Variants in LRMDA observed in about 807,000 individuals in gnomAD.
LRMDA encodes leucine-rich melanocyte differentiation-associated protein.
LRMDA carries 18 observed loss-of-function variants against 29.8 expected under a neutral mutation model. The observed-to-expected ratio is 0.60, with a 90% CI of 0.42 to 0.90. The LOEUF is 0.90. Among genes scored for constraint, LRMDA ranks in the 40% least tolerant of loss-of-function variants. The probability of loss-of-function intolerance (pLI) is 0.00; values close to 1 mark genes in which losing one functional copy is unlikely to be tolerated. For missense variants in LRMDA, 273 were observed against 273.9 expected (o/e 1.00, Z 0.02); for synonymous variants, 125 against 109.4 (o/e 1.14, Z -0.89).
intron 6 of LRMDA, chr10:76,438,725 A>G (rs1470301033): frequency 6.6e-6 from 1 of 152,248 alleles, no homozygotes; most frequent in Non-Finnish European, 1.5e-5. Flanking sequence ...ATAAAATGTA[A>G]TGGGAAGAAA....
intron 2 of LRMDA, among the ~76,000 whole-genome samples, chr10:75,799,370 A>C (rs1195485566): frequency 1.3e-5 from 2 of 152,130 alleles, no homozygotes. Flanking sequence ...TAGCCATACC[A>C]CTTTTTTATG....
chr10:76,254,832 A>AG (rs5786222), intron 5 of LRMDA, among the ~76,000 whole-genome samples: 108,591 of 151,912 alleles, frequency 0.71, 39,368 homozygotes, highest in East Asian at 0.91. Flanking sequence ...ATTTTATTTT[A>AG]GAAGTTACGA....
At chr10:76,392,226 A>G (rs1841730968) in intron 6 of LRMDA, among the ~76,000 whole-genome samples, 1 of 152,186 alleles carries the variant, frequency 6.6e-6, no homozygotes, top group South Asian at 2.1e-4. Context: ...ATCTTCATTC[A>G]CAGTGGAACA....
chr10:76,541,974 A>G (rs888815189), intron 6 of LRMDA, among the ~76,000 whole-genome samples: 3 of 152,142 alleles, frequency 2.0e-5, no homozygotes, highest in African/African-American at 7.2e-5. Flanking sequence ...CTCTTTTTAA[A>G]TGAGTCATAC....
rs578042029 is a variant in LRMDA, at chr10:75,820,682, T to C, written c.132-215326T>C. The stretch of plus-strand genomic sequence containing the variant: ...TAACAAAGATCAGAGCAGAACAAAA[T>C]GAAATTAAGACCAAAAAAGCCACTC... On this transcript the variant is annotated intron_variant, in intron 2 of 6. Transcript: ENST00000611255. Among the ~76,000 whole-genome samples the C allele has an allele frequency of 5.3e-5, 8 of 151,852 alleles. No individual in the cohort carries two copies. In the East Asian group the frequency reaches 1.4e-3, roughly 26 times the overall value.
At chr10:76,163,326 T>G (rs546007967) in intron 5 of LRMDA, among the ~76,000 whole-genome samples, 2 of 152,298 alleles carry the variant, frequency 1.3e-5, no homozygotes, top group South Asian at 2.1e-4. Context: ...TAGAGAAATC[T>G]GAGTGGGACC....
At chr10:75,897,762 G>A (rs559685276) in intron 2 of LRMDA, among the ~76,000 whole-genome samples, 34 of 149,784 alleles carry the variant, frequency 2.3e-4, no homozygotes, top group Non-Finnish European at 4.4e-5. Flanking sequence ...CCTCTTCTTG[G>A]CTTATAGGAT....
chr10:76,209,044 C>T (rs1013598091), intron 5 of LRMDA, among the ~76,000 whole-genome samples: 5 of 152,008 alleles, frequency 3.3e-5, no homozygotes, highest in African/African-American at 7.2e-5. Context: ...ATTCCAGCTA[C>T]GCAGCAGGCT....
chr10:76,408,248 C>A (rs1841922898), intron 6 of LRMDA, among the ~76,000 whole-genome samples: 1 of 152,124 alleles, frequency 6.6e-6, no homozygotes, highest in African/African-American at 2.4e-5. Flanking sequence ...GTGGTAATGT[C>A]TGTGGTCAAC....
chr10:75,572,899 A>T (rs908449240), intron 2 of LRMDA, among the ~76,000 whole-genome samples: 2 of 152,222 alleles, frequency 1.3e-5, no homozygotes, highest in Admixed American at 6.5e-5. Flanking sequence ...ATGCAAGCAT[A>T]GAGGAAAGAA....
In LRMDA at chr10:76,140,257, G is replaced by A. The variant is rs116813616; in HGVS notation, c.516+81474G>A. On this transcript the variant is annotated intron_variant, in intron 5 of 6. Coordinates refer to ENST00000611255, the MANE Select transcript of LRMDA (RefSeq NM_001305581.2). ...CTCAAGGGAATTTCCATTCATGAAG[G>A]TGGCTTCTGTCTGTACCAAGAAAAG... is the stretch of plus-strand genomic sequence containing the variant. 6.4e-3 allele frequency among the ~76,000 whole-genome samples: 969 copies of A among 152,038 alleles called. 12 individuals carry two copies. The highest frequency in any genetic ancestry group is 0.022 in the African/African-American group (904 of 41,536).
intron 6 of LRMDA, among the ~76,000 whole-genome samples, chr10:76,368,621 G>T (rs1841419432): frequency 6.6e-6 from 1 of 152,152 alleles, no homozygotes; most frequent in African/African-American, 2.4e-5. Flanking sequence ...GAGTCCATTT[G>T]TTCCAAGGTA....
At chr10:75,434,086 T>A (rs544146723) in intron 1 of LRMDA, among the ~76,000 whole-genome samples, 8 of 152,224 alleles carry the variant, frequency 5.3e-5, no homozygotes, top group Non-Finnish European at 1.2e-4. Context: ...GCATCATTTA[T>A]GTTCAGCATT....
chr10:75,742,666 C>T (rs1842844531), intron 2 of LRMDA: 1 of 152,240 alleles, frequency 6.6e-6, no homozygotes, highest in Admixed American at 6.5e-5. Flanking sequence ...GCCCTCTGCT[C>T]TTGGGGTACA....
chr10:75,533,578 A>G (rs1845503929), intron 2 of LRMDA, among the ~76,000 whole-genome samples: 1 of 152,260 alleles, frequency 6.6e-6, no homozygotes, highest in African/African-American at 2.4e-5. Context: ...ATAATAAATT[A>G]TGTCATTGCA....
At chr10:75,749,866 C>T (rs1219988122) in intron 2 of LRMDA, among the ~76,000 whole-genome samples, 1 of 152,188 alleles carries the variant, frequency 6.6e-6, no homozygotes, top group Non-Finnish European at 1.5e-5. Context: ...ATCTGTTTAA[C>T]AAAGCACATC....
intron 2 of LRMDA, among the ~76,000 whole-genome samples, chr10:75,977,642 C>T (rs1847097519): frequency 6.6e-6 from 1 of 152,178 alleles, no homozygotes; most frequent in South Asian, 2.1e-4. Context: ...TTTGCTAGGG[C>T]CCCCAGGGTG....
At chr10:76,049,286 G>A (rs1483199689) in intron 4 of LRMDA, among the ~76,000 whole-genome samples, 1 of 152,210 alleles carries the variant, frequency 6.6e-6, no homozygotes, top group Non-Finnish European at 1.5e-5. Context: ...GTTGCCATGA[G>A]AGGCTAGATT....
At chr10:76,298,145 ATCCACTTACAGGGTGCAGGC>A (rs1431857106) in intron 5 of LRMDA, among the ~76,000 whole-genome samples, 2 of 152,214 alleles carry the variant, frequency 1.3e-5, no homozygotes, top group Non-Finnish European at 2.9e-5. Flanking sequence ...TGATCATATG[ATCCACTTACAGGGTGCAGGC>A]TCAGTCAAGT....
Sources: gnomAD v4.1 joint callset for allele counts (sites outside exome capture counted in the v4.1 genomes callset) on GRCh38, gnomAD v4.1.1 for gene constraint, MANE v1.5 for transcripts, NCBI Gene and HGNC (gene_info 2026-07-23, HGNC 2026-07-21) for gene names.